MTUS2: variants seen among roughly 807,000 people sequenced by gnomAD.
MTUS2 encodes the protein microtubule associated scaffold protein 2.
Under a neutral mutation model 114.1 loss-of-function variants are expected in MTUS2, and 40 were observed. The observed-to-expected ratio is 0.35, with a 90% confidence interval of 0.27 to 0.46. MTUS2 has a LOEUF of 0.46. Among genes scored for constraint, MTUS2 ranks in the 20% least tolerant of loss-of-function variants. The probability of loss-of-function intolerance (pLI) is 1.00; values close to 1 mark genes in which losing one functional copy is unlikely to be tolerated. For missense variants in MTUS2, 1,679 were observed against 1,705.4 expected (o/e 0.98, Z 0.27); for synonymous variants, 688 against 672.0 (o/e 1.02, Z -0.37).
chr13:29,054,851 G>T (rs1888058939), intron 4 of MTUS2, among the ~76,000 whole-genome samples: 1 of 151,980 alleles, frequency 6.6e-6, no homozygotes, highest in African/African-American at 2.4e-5. Context: ...CTATTTAGTA[G>T]TATGTTGCTT....
At chr13:28,884,694 T>A (rs1878488500) in intron 2 of MTUS2, among the ~76,000 whole-genome samples, 1 of 152,210 alleles carries the variant, frequency 6.6e-6, no homozygotes, top group Non-Finnish European at 1.5e-5. Context: ...TGCAGTTTTC[T>A]GGTTTGATAT....
intron 8 of MTUS2, among the ~76,000 whole-genome samples, chr13:29,419,804 C>G (rs1875945223): frequency 1.3e-5 from 2 of 152,168 alleles, no homozygotes; most frequent in South Asian, 4.1e-4. Context: ...GAATTTGAAT[C>G]CCTGAGATCA....
intron 2 of MTUS2, among the ~76,000 whole-genome samples, chr13:28,917,865 C>T (rs1020620828): frequency 6.6e-6 from 1 of 151,770 alleles, no homozygotes; most frequent in African/African-American, 2.4e-5. Flanking sequence ...AAGCTGTAAA[C>T]TTCCCTTTTA....
chr13:29,317,486 C>T lies in MTUS2; in HGVS notation c.2807-7127C>T, dbSNP rs1469223209. On this transcript the variant is annotated intron_variant, in intron 6 of 15. Transcript: ENST00000612955. The stretch of plus-strand genomic sequence containing the variant: ...TCGCTCTGTCGCCCAGGCCGGACTG[C>T]GGACTGCAGTGGCGCAATCTCGGCT... 1.8e-4 allele frequency among the ~76,000 whole-genome samples: 2 copies of T among 11,042 alleles called. 1 individual carries two copies. Among genetic ancestry groups the T allele is most frequent in the African/African-American group, 3.5e-4 (2 of 5,698 alleles). The allele number at this position is 11,042 out of a possible 152,430, so 7.2% of individuals were successfully genotyped here. A position where few individuals can be genotyped will look rare whatever the true frequency, so the allele number is the denominator to read the frequency against.
intron 1 of MTUS2, among the ~76,000 whole-genome samples, chr13:28,833,393 A>G (rs1237437973): frequency 6.6e-6 from 1 of 152,160 alleles, no homozygotes; most frequent in African/African-American, 2.4e-5. Flanking sequence ...GAGGAAGGCA[A>G]CTGGTTTAAC....
intron 5 of MTUS2, among the ~76,000 whole-genome samples, chr13:29,169,711 C>G (rs754378122): frequency 4.6e-5 from 7 of 152,084 alleles, no homozygotes; most frequent in Non-Finnish European, 7.4e-5. Flanking sequence ...TTTTTCTTAT[C>G]CTGCTGAACT....
intron 8 of MTUS2, among the ~76,000 whole-genome samples, chr13:29,377,803 A>T (rs3125706): frequency 0.62 from 93,934 of 151,716 alleles, 29,729 homozygotes; most frequent in East Asian, 0.75. Context: ...ATAAAAATCA[A>T]GGAGAAAATC....
In MTUS2 at chr13:29,219,575, C is replaced by T. The variant is rs550232037; in HGVS notation, c.2645-62129C>T. Among the ~76,000 whole-genome samples, 4 of 152,308 alleles carry T rather than the reference C, an allele frequency of 2.6e-5. No homozygotes were observed. In the South Asian group the frequency reaches 8.3e-4, roughly 32 times the overall value. ...AAGAGAGTTAGCCTGTCCTTTGAAGCTTTGAAGCCAGGCATTGACTTCTCC... is the reference window on the plus strand; with the variant it reads ...AAGAGAGTTAGCCTGTCCTTTGAAGTTTTGAAGCCAGGCATTGACTTCTCC... On this transcript the variant is annotated intron_variant, in intron 5 of 15. Transcript: ENST00000612955.
intron 4 of MTUS2, 133 bp from the exon 5 acceptor site, chr13:29,100,640 T>G: frequency 1.9e-6 from 2 of 1,064,250 alleles, no homozygotes; most frequent in South Asian, 3.3e-5. Context: ...ATTTTAGATG[T>G]GTTGAATCAA....
intron 4 of MTUS2, among the ~76,000 whole-genome samples, chr13:29,044,091 G>A (rs1359566446): frequency 6.6e-6 from 1 of 151,714 alleles, no homozygotes; most frequent in Non-Finnish European, 1.5e-5. Flanking sequence ...ATTTTAATCT[G>A]GTATCCTTTT....
chr13:29,285,105 G>A (rs9508332), intron 6 of MTUS2, among the ~76,000 whole-genome samples: 35,282 of 149,584 alleles, frequency 0.24, 4,244 homozygotes, highest in East Asian at 0.39. Context: ...AAAAAAAAAG[G>A]AAAAACTGAA....
At chr13:29,054,969 T>C (rs889396838) in intron 4 of MTUS2, among the ~76,000 whole-genome samples, 4 of 152,114 alleles carry the variant, frequency 2.6e-5, no homozygotes, top group African/African-American at 9.6e-5. Context: ...TATAAGCTTA[T>C]TGTGGCTTCT....
intron 5 of MTUS2, among the ~76,000 whole-genome samples, chr13:29,214,278 T>C (rs1167476151): frequency 6.6e-6 from 1 of 152,138 alleles, no homozygotes; most frequent in Non-Finnish European, 1.5e-5. Context: ...GTCTCCTGAA[T>C]ACAGCACACC....
intron 9 of MTUS2, among the ~76,000 whole-genome samples, chr13:29,478,719 T>C (rs2388086): frequency 0.85 from 129,672 of 152,000 alleles, 56,225 homozygotes; most frequent in Non-Finnish European, 0.94. Flanking sequence ...CTCCAACCAC[T>C]CTGCCCTCGG....
At chr13:29,208,462 C>T (rs1333643100) in intron 5 of MTUS2, among the ~76,000 whole-genome samples, 1 of 151,788 alleles carries the variant, frequency 6.6e-6, no homozygotes, top group African/African-American at 2.4e-5. Context: ...TTCTTTTCTT[C>T]TGCTGCATTT....
At chr13:29,274,305 T>A (rs1593249549) in intron 5 of MTUS2, among the ~76,000 whole-genome samples, 1 of 152,030 alleles carries the variant, frequency 6.6e-6, no homozygotes, top group African/African-American at 2.4e-5. Context: ...AGAGACGGGG[T>A]TTCACCGTGT....
intron 5 of MTUS2, among the ~76,000 whole-genome samples, chr13:29,206,752 G>C (rs1170175313): frequency 1.3e-5 from 2 of 152,094 alleles, no homozygotes; most frequent in Non-Finnish European, 2.9e-5. Flanking sequence ...TCTCTATTCT[G>C]TTCCATTGGT....
intron 5 of MTUS2, among the ~76,000 whole-genome samples, chr13:29,151,595 G>T (rs1157421707): frequency 1.3e-5 from 2 of 152,080 alleles, no homozygotes; most frequent in Non-Finnish European, 2.9e-5. Flanking sequence ...ATGAGATTAG[G>T]CATCCTTATC....
chr13:29,245,388 G>A (rs530924961), intron 5 of MTUS2, among the ~76,000 whole-genome samples: 14 of 152,296 alleles, frequency 9.2e-5, no homozygotes, highest in African/African-American at 3.4e-4. Context: ...TGAGTTTGGG[G>A]TAGGCAAGAA....
Sources: gnomAD v4.1 joint callset for allele counts (sites outside exome capture counted in the v4.1 genomes callset) on GRCh38, gnomAD v4.1.1 for gene constraint, MANE v1.5 for transcripts, NCBI Gene and HGNC (gene_info 2026-07-23, HGNC 2026-07-21) for gene names.